The following NECTIN1 variants were observed in gnomAD, a reference collection of about 807,000 sequenced individuals.
The protein encoded by NECTIN1 is nectin cell adhesion molecule 1.
In NECTIN1, 23 loss-of-function variants were observed where a neutral mutation model predicts 48.0. That is an observed-to-expected ratio of 0.48 (90% CI 0.34 to 0.68). The LOEUF (loss-of-function observed/expected upper bound fraction) is 0.68, where lower values mean the gene tolerates loss of function less well. NECTIN1 is among the 30% of genes least tolerant of loss of function. The pLI, the probability that NECTIN1 is intolerant of heterozygous loss-of-function variation, is 0.01. For synonymous variants in NECTIN1, 270 were observed against 288.9 expected (o/e 0.93, Z 0.66); for missense variants, 591 against 709.9 (o/e 0.83, Z 1.90).
Position 119,690,370 on chromosome 11 carries a change from C to T in NECTIN1, c.80-11605G>A, listed in dbSNP as rs189293361. On this transcript the variant is annotated intron_variant, in intron 1 of 5. Transcript: ENST00000264025. ...AAGGCTTCCTTGCTTCCTTGCCACCCTATGAGCTCTGCTCCTGGATCACAG... is the reference window on the plus strand; with the variant it reads ...AAGGCTTCCTTGCTTCCTTGCCACCTTATGAGCTCTGCTCCTGGATCACAG... 2.3e-3 allele frequency among the ~76,000 whole-genome samples: 348 copies of T among 152,340 alleles called. 1 individual carries two copies. The highest frequency in any genetic ancestry group is 8.0e-3 in the African/African-American group (334 of 41,582).
Position 119,665,285 on chromosome 11 carries a change from G to A in NECTIN1, c.1016C>T (p.Thr339Ile), listed in dbSNP as rs1371157035. 1 of 1,590,410 alleles carries A rather than the reference G, an allele frequency of 6.3e-7. No homozygotes were observed. The highest frequency in any genetic ancestry group is 8.5e-7 in the Non-Finnish European group (1 of 1,173,556). Residue 339 changes from threonine to isoleucine, a missense_variant, in exon 6 of 6, where the codon ACC becomes ATC. Thr to Ile is a moderately conservative substitution (Grantham distance 89). Coordinates refer to ENST00000264025, the MANE Select transcript of NECTIN1 (RefSeq NM_002855.5). The surrounding 1 kb of genome is among the most constrained non-coding windows in gnomAD (Gnocchi z 5.1). ...VEVNITEFPY[T>I]PSPPEHGRRA... The stretch of plus-strand genomic sequence containing the variant: ...CCGCCCATGTTCGGGAGGAGACGGG[G>A]TGTAGGGGAATTCTGGGTGAGGAAA...
At chr11:119,680,963 A>T (rs974545703) in intron 1 of NECTIN1, among the ~76,000 whole-genome samples, 1 of 151,804 alleles carries the variant, frequency 6.6e-6, no homozygotes, top group Non-Finnish European at 1.5e-5. Context: ...GTGGCCAGTC[A>T]CCTCCCCTTT....
At position 119,692,954 on chromosome 11, in the gene NECTIN1, G is replaced by A. The variant is rs114843508; in HGVS notation, c.80-14189C>T. On this transcript the variant is annotated intron_variant, in intron 1 of 5. Transcript: ENST00000264025. ...CTGGCAGTGCTGGCCTGAGGCTGAC[G>A]ATGGGGCTGCTGGGAGTGCCTTGTA... is the stretch of plus-strand genomic sequence containing the variant. Among the ~76,000 whole-genome samples, 1,035 of 152,320 alleles carry A rather than the reference G, an allele frequency of 6.8e-3. 18 individuals are homozygous for A. The highest frequency in any genetic ancestry group is 0.023 in the African/African-American group (952 of 41,562).
Position 119,728,895 on chromosome 11 carries a change from T to G in NECTIN1, c.-342A>C. On this transcript the variant is annotated 5_prime_UTR_variant, in exon 1 of 6. Coordinates refer to ENST00000264025, the MANE Select transcript of NECTIN1 (RefSeq NM_002855.5). ...GGGACCCACCCCCGGCGCGCCCGGC[T>G]GCCCGGTTGCGCGGCGCGGGCTCCT... The G allele has an allele frequency of 1.4e-5, 3 of 216,562 alleles. No individual in the cohort carries two copies. The highest frequency in any genetic ancestry group is 2.7e-5 in the Non-Finnish European group (3 of 110,350). 13.4% of individuals were successfully genotyped at this position (216,562 alleles called of 1,614,324 possible). A position where few individuals can be genotyped will look rare whatever the true frequency, so the allele number is the denominator to read the frequency against.
intron 5 of NECTIN1, among the ~76,000 whole-genome samples, chr11:119,652,603 T>A (rs1864509717): frequency 6.6e-6 from 1 of 152,186 alleles, no homozygotes; most frequent in African/African-American, 2.4e-5. Context: ...TCCTTAGTCA[T>A]GGGGAAATGC....
intron 1 of NECTIN1, among the ~76,000 whole-genome samples, chr11:119,687,842 C>T (rs1415181319): frequency 6.6e-6 from 1 of 152,260 alleles, no homozygotes; most frequent in Admixed American, 6.5e-5. Context: ...GCGCCCAACC[C>T]TCCCGATGCC....
chr11:119,675,073 T>G, intron 5 of NECTIN1, 86 bp downstream of exon 5: 1 of 1,460,934 alleles, frequency 6.8e-7, no homozygotes, highest in South Asian at 1.2e-5. Context: ...ATAATCTTCC[T>G]GCAGTGGCAT....
In NECTIN1 at chr11:119,683,370, C is replaced by G. The variant is rs537091041; in HGVS notation, c.80-4605G>C. Among the ~76,000 whole-genome samples the G allele has an allele frequency of 9.2e-5, 14 of 152,290 alleles. No homozygotes were observed. Among genetic ancestry groups the G allele is most frequent in the African/African-American group, 2.9e-4 (12 of 41,568 alleles). ...AGCCCAGTGCTTTCCCACCCTGCCA[C>G]AAAAACAGACTCTGGCTCAACCTAA... is the stretch of plus-strand genomic sequence containing the variant. On this transcript the variant is annotated intron_variant, in intron 1 of 5. Coordinates refer to ENST00000264025, the MANE Select transcript of NECTIN1 (RefSeq NM_002855.5). This position sits in a 1 kb window ranked among gnomAD's most constrained non-coding sequence, Gnocchi z 4.0.
At chr11:119,686,863 A>G (rs1865166822) in intron 1 of NECTIN1, among the ~76,000 whole-genome samples, 1 of 152,038 alleles carries the variant, frequency 6.6e-6, no homozygotes, top group Admixed American at 6.5e-5. Context: ...AGCGTTTCTC[A>G]TACGGAGTTT....
chr11:119,644,941 G>A (rs1172557027), intron 5 of NECTIN1, among the ~76,000 whole-genome samples: 2 of 152,116 alleles, frequency 1.3e-5, no homozygotes, highest in African/African-American at 2.4e-5. Flanking sequence ...CTCTCCTGCC[G>A]CCTCTCCCTG....
rs1379053566 is a variant in NECTIN1 at position 119,638,807 on chromosome 11, C to T, written c.1152-1G>A. 1 of 1,613,500 alleles carries T rather than the reference C, an allele frequency of 6.2e-7. No individual in the cohort carries two copies. Among genetic ancestry groups the T allele is most frequent in the Non-Finnish European group, 8.5e-7 (1 of 1,179,664 alleles). On this transcript the variant is annotated splice_acceptor_variant, in intron 6 of 7. Transcript: ENST00000341398. LOFTEE classifies it high-confidence loss of function. ...CTTCTGGGAGAGGGGCTGGTCGGTC[C>T]TGGAGACAGAATGAGGGTAAGCTCA...
chr11:119,692,259 C>T (rs1033218317), intron 1 of NECTIN1, among the ~76,000 whole-genome samples: 3 of 152,260 alleles, frequency 2.0e-5, no homozygotes, highest in Non-Finnish European at 2.9e-5. Flanking sequence ...CACGGAGGAA[C>T]CAGCACGTAG....
At position 119,661,276 on chromosome 11, in the gene NECTIN1, C is replaced by T. The variant is rs1035923195; in HGVS notation, c.*3471G>A. On this transcript the variant is annotated 3_prime_UTR_variant, in exon 6 of 6. Coordinates refer to ENST00000264025, the MANE Select transcript of NECTIN1 (RefSeq NM_002855.5). ...ATTTTTTCGACCAAGAATCCCATTC[C>T]TCACAGCAGGGGTCAGAAGAGCAGC... 140 of 985,798 alleles carry T rather than the reference C, an allele frequency of 1.4e-4. No homozygotes were observed. The highest frequency in any genetic ancestry group is 1.6e-4 in the Non-Finnish European group (134 of 829,952). The allele number at this position is 985,798 out of a possible 1,614,324, so 61.1% of individuals were successfully genotyped here.
chr11:119,718,332 A>G (rs1312981323), intron 1 of NECTIN1, among the ~76,000 whole-genome samples: 1 of 152,142 alleles, frequency 6.6e-6, no homozygotes, highest in East Asian at 1.9e-4. Context: ...CCCAGGATCA[A>G]TGCCTCTCTC....
chr11:119,695,455 G>T (rs1039022700), intron 1 of NECTIN1, among the ~76,000 whole-genome samples: 6 of 151,062 alleles, frequency 4.0e-5, no homozygotes, highest in Admixed American at 2.6e-4. Flanking sequence ...CACAGTGTTG[G>T]CTGTGCCATG....
chr11:119,695,209 C>T (rs966784327), intron 1 of NECTIN1, among the ~76,000 whole-genome samples: 2 of 152,104 alleles, frequency 1.3e-5, no homozygotes, highest in South Asian at 2.1e-4. Context: ...AGTCCCCGGT[C>T]GCTCTCCACT....
At chr11:119,660,067 A>G (rs1000249754), downstream of NECTIN1, among the ~76,000 whole-genome samples, 5 of 152,306 alleles carry the variant, frequency 3.3e-5, no homozygotes, top group African/African-American at 7.2e-5. Flanking sequence ...TCCAGCCCCA[A>G]TCCTGGGTGT....
At chr11:119,686,323 C>T (rs1445518673) in intron 1 of NECTIN1, among the ~76,000 whole-genome samples, 1 of 152,108 alleles carries the variant, frequency 6.6e-6, no homozygotes, top group Admixed American at 6.6e-5. Context: ...TAGCTCTTTC[C>T]TTTGAACCTT....
At chr11:119,699,755 G>A (rs1000929363) in intron 1 of NECTIN1, among the ~76,000 whole-genome samples, 11 of 152,194 alleles carry the variant, frequency 7.2e-5, no homozygotes, top group African/African-American at 2.7e-4. Context: ...TGAAGACATC[G>A]AGACTAAGTG....
Sources: gnomAD v4.1 joint callset for allele counts (sites outside exome capture counted in the v4.1 genomes callset) on GRCh38, gnomAD v4.1.1 for gene constraint, Gnocchi (gnomAD v3.1) non-coding constraint, MANE v1.5 for transcripts, NCBI Gene and HGNC (gene_info 2026-07-23, HGNC 2026-07-21) for gene names.